Variants in OCA2 observed in about 807,000 individuals in gnomAD.
OCA2 encodes the protein OCA2 melanosomal transmembrane protein, also known as P protein.
A neutral mutation model predicts 100.2 loss-of-function variants in OCA2; 77 were observed. The ratio of observed to expected loss-of-function variants is 0.77; its 90% confidence interval spans 0.64 to 0.93. The LOEUF is 0.93. OCA2 is among the 40% of genes least tolerant of loss of function. The pLI, the probability that OCA2 is intolerant of heterozygous loss-of-function variation, is 0.00. For missense variants in OCA2, 1,062 were observed against 1,089.1 expected (o/e 0.98, Z 0.35); for synonymous variants, 432 against 439.2 (o/e 0.98, Z 0.21).
chr15:27,787,522 T>C (rs2032872209), intron 23 of OCA2, among the ~76,000 whole-genome samples: 1 of 152,058 alleles, frequency 6.6e-6, no homozygotes, highest in South Asian at 2.1e-4. Context: ...GTTGTCTTAT[T>C]TGTTAGCGTA....
Position 28,023,457 on chromosome 15 carries a change from C to T in OCA2, c.574-884G>A, listed in dbSNP as rs140075764. 5.9e-5 allele frequency among the ~76,000 whole-genome samples: 9 copies of T among 152,270 alleles called. No homozygotes were observed. In the South Asian group the frequency reaches 1.5e-3, roughly 25 times the overall value. On this transcript the variant is annotated intron_variant, in intron 5 of 23. Coordinates refer to ENST00000354638, the MANE Select transcript of OCA2 (RefSeq NM_000275.3). Reference sequence around the variant, plus strand: ...AGGGCCACAGACATTCCTGCACGCACGCAGAGCCACAACACACATGCCACG... The same window carrying T: ...AGGGCCACAGACATTCCTGCACGCATGCAGAGCCACAACACACATGCCACG...
intron 19 of OCA2, among the ~76,000 whole-genome samples, chr15:27,916,860 CAGA>C (rs1171776020): frequency 3.7e-4 from 56 of 152,252 alleles, no homozygotes; most frequent in South Asian, 6.2e-4. Flanking sequence ...TGCAACATGA[CAGA>C]AGAAGGATTT....
At chr15:27,815,492 C>T (rs2151242521) in intron 23 of OCA2, among the ~76,000 whole-genome samples, 1 of 152,322 alleles carries the variant, frequency 6.6e-6, no homozygotes, top group Admixed American at 6.5e-5. Flanking sequence ...CGTCTGTATT[C>T]ATACCTCCTG....
At chr15:27,822,365 T>C (rs967138410) in intron 23 of OCA2, among the ~76,000 whole-genome samples, 5 of 152,240 alleles carry the variant, frequency 3.3e-5, no homozygotes, top group Non-Finnish European at 4.4e-5. Context: ...ATATATTGTA[T>C]ATCTAATTTT....
chr15:27,731,232 CAA>C, the OCA2 span, among the ~76,000 whole-genome samples: 1 of 152,132 alleles, frequency 6.6e-6, no homozygotes. Context: ...GCTTTGCATG[CAA>C]AGTCTTCAAA....
intron 19 of OCA2, among the ~76,000 whole-genome samples, chr15:27,875,235 A>G (rs888761521): frequency 2.4e-4 from 37 of 152,144 alleles, no homozygotes; most frequent in African/African-American, 8.9e-4. Context: ...ATTCACCACC[A>G]TTTGTTGAAA....
intron 19 of OCA2, among the ~76,000 whole-genome samples, chr15:27,887,621 T>C (rs902764717): frequency 2.7e-5 from 4 of 147,020 alleles, no homozygotes; most frequent in African/African-American, 9.9e-5. Flanking sequence ...AAACCTCTTT[T>C]TTTTTTTTTT....
At chr15:27,955,303 G>T in intron 16 of OCA2, 88 bp from the exon 17 acceptor site, 1 of 972,440 alleles carries the variant, frequency 1.0e-6, no homozygotes, top group Non-Finnish European at 1.7e-6. Flanking sequence ...CTTCGTGCCT[G>T]GACGCGGTCT....
chr15:28,028,132 C>T, intron 3 of OCA2, 73 bp from the exon 4 acceptor site: 1 of 1,551,122 alleles, frequency 6.4e-7, no homozygotes, highest in Non-Finnish European at 8.9e-7. Flanking sequence ...CCTCTGAGTT[C>T]TGACTGTGTG....
Position 27,913,848 on chromosome 15 carries a change from AAAG to A in OCA2, c.2079+12276_2079+12278del, listed in dbSNP as rs1229390523. Among the ~76,000 whole-genome samples the A allele has an allele frequency of 0.011, 348 of 32,310 alleles. 7 individuals carry two copies. The East Asian group carries it at 0.26, about 24-fold the overall frequency. The allele number at this position is 32,310 out of a possible 152,430, so 21.2% of individuals were successfully genotyped here. A position where few individuals can be genotyped will look rare whatever the true frequency, so the allele number is the denominator to read the frequency against. On this transcript the variant is annotated intron_variant, in intron 19 of 23. Transcript: ENST00000354638. ...AAAGAAAGAAAGAAAGGAAAGAAAG[AAAG>A]AAAGAAAGAAAGAAAGAAAGAAAGA...
intron 19 of OCA2, among the ~76,000 whole-genome samples, chr15:27,907,735 G>A (rs1401816781): frequency 2.6e-5 from 4 of 152,182 alleles, no homozygotes; most frequent in Non-Finnish European, 5.9e-5. Flanking sequence ...AAACTTCTGT[G>A]AAAATAAATT....
intron 1 of OCA2, among the ~76,000 whole-genome samples, chr15:28,088,991 C>T (rs940969051): frequency 2.0e-5 from 3 of 152,196 alleles, no homozygotes; most frequent in African/African-American, 7.2e-5. Flanking sequence ...TCATCGACAA[C>T]CGTAAAAGAC....
intron 19 of OCA2, among the ~76,000 whole-genome samples, chr15:27,889,662 T>C (rs934652815): frequency 6.6e-6 from 1 of 152,186 alleles, no homozygotes; most frequent in Non-Finnish European, 1.5e-5. Context: ...TTGACATAAT[T>C]TGAGGCATTC....
intron 23 of OCA2, among the ~76,000 whole-genome samples, chr15:27,783,940 G>A (rs546977468): frequency 6.6e-6 from 1 of 152,328 alleles, no homozygotes; most frequent in Admixed American, 6.5e-5. Context: ...TCCAGGGGAA[G>A]GCACAGCAAC....
chr15:27,918,480 T>A (rs2038748114), intron 19 of OCA2, among the ~76,000 whole-genome samples: 1 of 152,184 alleles, frequency 6.6e-6, no homozygotes, highest in Non-Finnish European at 1.5e-5. Context: ...CATCCCGTAG[T>A]TGTAGTCAGA....
At chr15:27,984,506 A>G (rs2140973602) in intron 13 of OCA2, among the ~76,000 whole-genome samples, 1 of 152,318 alleles carries the variant, frequency 6.6e-6, no homozygotes, top group Non-Finnish European at 1.5e-5. Context: ...GAACATGGAC[A>G]GGGACTCCTG....
intron 22 of OCA2, among the ~76,000 whole-genome samples, chr15:27,845,484 G>A (rs1187781510): frequency 6.6e-6 from 1 of 152,170 alleles, no homozygotes; most frequent in African/African-American, 2.4e-5. Context: ...GAAAGGATAG[G>A]TAAAAACAAC....
At chr15:27,921,231 T>C (rs1309307037) in intron 19 of OCA2, among the ~76,000 whole-genome samples, 1 of 151,620 alleles carries the variant, frequency 6.6e-6, no homozygotes, top group Non-Finnish European at 1.5e-5. Flanking sequence ...TCAATGCGCA[T>C]ATAGGGGAAA....
rs887240043 is a variant in OCA2, at chr15:27,957,350, C to T, written c.1784+238G>A. 6.6e-6 allele frequency among the ~76,000 whole-genome samples: 1 copy of T among 152,184 alleles called. No individual in the cohort carries two copies. Among genetic ancestry groups the T allele is most frequent in the South Asian group, 2.1e-4 (1 of 4,832 alleles). ...TCCTTCCGAGCTGCACAACCCTGGG[C>T]ACGCCGCTCAAATTCTCTGAGCCTC... On this transcript the variant is annotated intron_variant, in intron 16 of 23. Coordinates refer to ENST00000354638, the MANE Select transcript of OCA2 (RefSeq NM_000275.3). The surrounding 1 kb of genome is among the most constrained non-coding windows in gnomAD (Gnocchi z 4.3).
Sources: gnomAD v4.1 joint callset for allele counts (sites outside exome capture counted in the v4.1 genomes callset) on GRCh38, gnomAD v4.1.1 for gene constraint, Gnocchi (gnomAD v3.1) non-coding constraint, MANE v1.5 for transcripts, NCBI Gene and HGNC (gene_info 2026-07-23, HGNC 2026-07-21) for gene names.